SLC45A4: variants seen among roughly 807,000 people sequenced by gnomAD.
The protein encoded by SLC45A4 is polyamine-transporter SLC45A4.
SLC45A4 carries 32 observed loss-of-function variants against 63.7 expected under a neutral mutation model. The ratio of observed to expected loss-of-function variants is 0.50; its 90% CI spans 0.38 to 0.67. The LOEUF (loss-of-function observed/expected upper bound fraction) is 0.67. SLC45A4 is among the 30% of genes least tolerant of loss of function. SLC45A4 has a pLI of 0.00. For missense variants in SLC45A4, 1,027 were observed against 1,157.7 expected (o/e 0.89, Z 1.64); for synonymous variants, 535 against 510.0 (o/e 1.05, Z -0.66).
At position 141,285,465 on chromosome 8, in the gene SLC45A4, C is replaced by T. The variant is rs187465824; in HGVS notation, c.-401+22631G>A. ...CGGCCTTGCACTTGGCCCGAGGTCA[C>T]GGTGTGTCATGTTTTTCTGCGGAAG... On this transcript the variant is annotated intron_variant, in intron 1 of 8. Coordinates refer to ENST00000517878, the MANE Select transcript of SLC45A4 (RefSeq NM_001286646.2). 3.6e-3 allele frequency among the ~76,000 whole-genome samples: 541 copies of T among 152,326 alleles called. 1 individual carries two copies. Among genetic ancestry groups the T allele is most frequent in the Non-Finnish European group, 6.3e-3 (428 of 68,022 alleles).
At chr8:141,302,479 G>A (rs1315057337) in intron 1 of SLC45A4, among the ~76,000 whole-genome samples, 2 of 150,922 alleles carry the variant, frequency 1.3e-5, no homozygotes, top group South Asian at 2.1e-4. Flanking sequence ...GATTATAGGC[G>A]TGCACCACCA....
intron 1 of SLC45A4, among the ~76,000 whole-genome samples, chr8:141,275,598 G>C (rs1829699086): frequency 6.7e-6 from 1 of 150,064 alleles, no homozygotes; most frequent in African/African-American, 2.5e-5. Flanking sequence ...AATATAGTGA[G>C]ACCCCTGTCT....
In SLC45A4 at chr8:141,218,850, G is replaced by A. The variant is rs568756982; in HGVS notation, c.790C>T (p.Arg264Cys). The change falls in exon 5 of 9, where the codon CGC becomes TGC. Residue 264 changes from arginine (R) to cysteine (C), a missense_variant. Transcript: ENST00000517878. The part of the protein sequence containing the change: ...DEEQYSPQQE[R>C]SAEEPGALDG... ...AGGGCGCCGGGCTCCTCAGCGCTGC[G>A]CTCCTGCTGCGGGCTGTACTGCTCC... 67 of 1,613,362 alleles carry A rather than the reference G, an allele frequency of 4.2e-5. No individual in the cohort carries two copies. Among genetic ancestry groups the A allele is most frequent in the African/African-American group, 6.7e-5 (5 of 75,052 alleles).
At chr8:141,230,709 G>A (rs1283604788) in intron 2 of SLC45A4, among the ~76,000 whole-genome samples, 2 of 152,192 alleles carry the variant, frequency 1.3e-5, no homozygotes, top group Non-Finnish European at 1.5e-5. Context: ...CTATCTTCCT[G>A]TGGAATTAGC....
intron 2 of SLC45A4, chr8:141,225,829 C>G (rs1826952473): frequency 6.6e-6 from 1 of 152,638 alleles, no homozygotes. Flanking sequence ...TGGGACCCGG[C>G]CCCAGGCCTC....
intron 2 of SLC45A4, among the ~76,000 whole-genome samples, chr8:141,244,964 G>GT (rs1828103813): frequency 8.1e-6 from 1 of 123,042 alleles, no homozygotes; most frequent in South Asian, 3.7e-4. Flanking sequence ...GGGTGGGGGG[G>GT]GGGGGCGGTG....
intron 2 of SLC45A4, among the ~76,000 whole-genome samples, chr8:141,238,068 G>A (rs950793618): frequency 2.1e-4 from 32 of 152,302 alleles, no homozygotes; most frequent in Admixed American, 1.7e-3. Context: ...GCCCACATAC[G>A]TGGTTCTCCC....
intron 5 of SLC45A4, among the ~76,000 whole-genome samples, chr8:141,217,605 T>G (rs377085293): frequency 1.3e-5 from 2 of 152,296 alleles, no homozygotes; most frequent in East Asian, 1.9e-4. Context: ...TTGGTTCTCC[T>G]GGCAAACGCA....
Position 141,239,067 on chromosome 8 carries a change from G to A in SLC45A4, c.241+14922C>T, listed in dbSNP as rs143381096. 6.4e-3 allele frequency among the ~76,000 whole-genome samples: 980 copies of A among 152,314 alleles called. 6 individuals carry two copies. The highest frequency in any genetic ancestry group is 9.3e-3 in the Non-Finnish European group (630 of 68,008). On this transcript the variant is annotated intron_variant, in intron 2 of 8. Coordinates refer to ENST00000517878, the MANE Select transcript of SLC45A4 (RefSeq NM_001286646.2). The stretch of plus-strand genomic sequence containing the variant: ...AACCACCCGGCTGCTGTGAGCCAGG[G>A]CTGCTGCCTGGGCCACGCGGTGAAT...
chr8:141,250,666 C>G (rs1828420684), intron 2 of SLC45A4, among the ~76,000 whole-genome samples: 1 of 152,198 alleles, frequency 6.6e-6, no homozygotes, highest in Non-Finnish European at 1.5e-5. Flanking sequence ...AGGCATGAGC[C>G]AGAGTGCCCA....
intron 2 of SLC45A4, among the ~76,000 whole-genome samples, chr8:141,251,300 C>T (rs968690417): frequency 6.6e-6 from 1 of 152,106 alleles, no homozygotes; most frequent in Non-Finnish European, 1.5e-5. Context: ...TCTTCAGTTC[C>T]ACGAACACAG....
Position 141,218,629 on chromosome 8 carries a change from G to C in SLC45A4, c.1011C>G (p.Asp337Glu). The change falls in exon 5 of 9, where the codon GAC becomes GAG. Residue 337 changes from aspartate (D) to glutamate (E), a missense_variant. By Grantham distance (45) the Asp-to-Glu change is conservative (BLOSUM62 2). Coordinates refer to ENST00000517878, the MANE Select transcript of SLC45A4 (RefSeq NM_001286646.2). ...TGCGGGGGGTGGCGGGGTAGGAGGC[G>C]TCGTGGAAGATGGAGGGCTCGATGT... Reference protein sequence around the residue: ...LHDIEPSIFHDASYPATPRST... With the variant: ...LHDIEPSIFHEASYPATPRST... 2.5e-6 allele frequency: 4 copies of C among 1,613,370 alleles called. No homozygotes were observed. Among genetic ancestry groups the C allele is most frequent in the East Asian group, 2.2e-5 (1 of 44,874 alleles).
At chr8:141,257,874 T>A (rs532000177) in intron 1 of SLC45A4, among the ~76,000 whole-genome samples, 1 of 152,298 alleles carries the variant, frequency 6.6e-6, no homozygotes, top group South Asian at 2.1e-4. Context: ...CACTCTGTTC[T>A]AGGGTTATTA....
At chr8:141,281,302 G>A (rs1041923911) in intron 1 of SLC45A4, among the ~76,000 whole-genome samples, 2 of 152,178 alleles carry the variant, frequency 1.3e-5, no homozygotes, top group East Asian at 1.9e-4. Flanking sequence ...TCACGCCACC[G>A]TACTCCAGCC....
intron 1 of SLC45A4, among the ~76,000 whole-genome samples, chr8:141,303,153 G>A (rs1016827408): frequency 2.6e-5 from 4 of 151,690 alleles, no homozygotes; most frequent in Non-Finnish European, 5.9e-5. Flanking sequence ...GTGAGACACC[G>A]CATCCGGCTA....
rs1018033066 is a variant in SLC45A4 at position 141,212,021 on chromosome 8, A to G, written c.2301+176T>C. The G allele has an allele frequency of 1.8e-5, 24 of 1,330,280 alleles. No homozygotes were observed. The South Asian group carries it at 4.6e-4, about 25-fold the overall frequency. 82.4% of individuals were successfully genotyped at this position (1,330,280 alleles called of 1,614,324 possible). On this transcript the variant is annotated intron_variant, in intron 8 of 8. Transcript: ENST00000517878. ...TTGCTTAGTAGCTCAAACCTACCCT[A>G]CGACTACTGAATTGTGGCTATGGGG...
chr8:141,215,592 C>A lies in SLC45A4; in HGVS notation c.1941+167G>T, dbSNP rs1826092893. ...TTTGTGGCCAGGGACCGATCAGGGG[C>A]AGGTGGTGGCTCTGTGGGCTTTGGA... On this transcript the variant is annotated intron_variant, in intron 7 of 8. Coordinates refer to ENST00000517878, the MANE Select transcript of SLC45A4 (RefSeq NM_001286646.2). The surrounding 1 kb of genome is among the most constrained non-coding windows in gnomAD (Gnocchi z 4.3). Among the ~76,000 whole-genome samples the A allele has an allele frequency of 6.6e-6, 1 of 152,078 alleles. No individual in the cohort carries two copies. Among genetic ancestry groups the A allele is most frequent in the African/African-American group, 2.4e-5 (1 of 41,394 alleles).
At chr8:141,273,296 C>G (rs1829608340) in intron 1 of SLC45A4, among the ~76,000 whole-genome samples, 1 of 152,176 alleles carries the variant, frequency 6.6e-6, no homozygotes, top group African/African-American at 2.4e-5. Flanking sequence ...CAAGCACTGA[C>G]CTGGTGTGTG....
chr8:141,300,029 A>T (rs1354489634), intron 1 of SLC45A4, among the ~76,000 whole-genome samples: 1 of 151,940 alleles, frequency 6.6e-6, no homozygotes, highest in Non-Finnish European at 1.5e-5. Flanking sequence ...TCTTCTCCTC[A>T]CCCATCCCTG....
Sources: gnomAD v4.1 joint callset for allele counts (sites outside exome capture counted in the v4.1 genomes callset) on GRCh38, gnomAD v4.1.1 for gene constraint, Gnocchi (gnomAD v3.1) non-coding constraint, MANE v1.5 for transcripts, NCBI Gene and HGNC (gene_info 2026-07-23, HGNC 2026-07-21) for gene names.